TSEN54: variants seen among roughly 807,000 people sequenced by gnomAD.
TSEN54 encodes the protein tRNA splicing endonuclease subunit 54.
TSEN54 carries 55 observed loss-of-function variants against 61.9 expected under a neutral mutation model. That is an observed-to-expected ratio of 0.89 (90% CI 0.72 to 1.11). TSEN54 has a LOEUF of 1.11. Ranked by LOEUF, TSEN54 falls within the 50% of genes most tolerant of loss-of-function variation. The pLI, the probability that TSEN54 is intolerant of heterozygous loss-of-function variation, is 0.00. For missense variants in TSEN54, 760 were observed against 687.7 expected (o/e 1.11, Z -1.18); for synonymous variants, 304 against 288.7 (o/e 1.05, Z -0.54).
At chr17:75,522,512 C>G (rs2053439803) in intron 8 of TSEN54, 179 bp downstream of exon 8, 1 of 1,472,922 alleles carries the variant, frequency 6.8e-7, no homozygotes, top group African/African-American at 1.4e-5. Flanking sequence ...TGTGGGAAGG[C>G]TTAGAGATGG....
chr17:75,517,399 A>C (rs1322781726), intron 4 of TSEN54, 155 bp downstream of exon 4: 1 of 1,136,520 alleles, frequency 8.8e-7, no homozygotes, highest in East Asian at 2.4e-5. Flanking sequence ...CAGGGATTCC[A>C]GTCCACATTA....
chr17:75,516,932 G>C (rs767200511), intron 2 of TSEN54, 22 bp downstream of exon 2: 1 of 1,545,314 alleles, frequency 6.5e-7, no homozygotes, highest in South Asian at 1.2e-5. Flanking sequence ...GGGCCCAGGG[G>C]TAAGGGAAGC....
rs2053430432 is a variant in TSEN54 at position 75,521,868 on chromosome 17, TCCCTGGGCCC to T, written c.789_798del (p.Leu264AlafsTer75). The T allele has an allele frequency of 3.1e-6, 5 of 1,610,338 alleles. No individual in the cohort carries two copies. The highest frequency in any genetic ancestry group is 4.2e-6 in the Non-Finnish European group (5 of 1,179,058). On this transcript the variant is annotated frameshift_variant, in exon 8 of 11. Coordinates refer to ENST00000333213, the MANE Select transcript of TSEN54 (RefSeq NM_207346.3). LOFTEE classifies it high-confidence loss of function. ...AGGGGGCCCCTTTCAGCTTCTGGGG[TCCCTGGGCCC>T]CAGCCCTGGCCCGGCCAGGGAGGGG...
At chr17:75,522,789 G>C (rs2053442363) in intron 8 of TSEN54, 2 of 276,252 alleles carry the variant, frequency 7.2e-6, no homozygotes, top group Non-Finnish European at 6.9e-6. Flanking sequence ...TAGGTAACTA[G>C]ATAGGGTTGC....
rs760089379 is a variant in TSEN54, at chr17:75,522,151, C to G, written c.1070C>G (p.Ala357Gly). The change falls in exon 8 of 11, where the codon GCG becomes GGG. Residue 357 changes from alanine to glycine, a missense_variant. Transcript: ENST00000333213. ...KLSRREREHH[A>G]EAAQFQEDVN... ...TCCAGGCGGGAACGGGAGCACCACG[C>G]GGAGGCCGCGCAGTTCCAGGAAGAT... 6.4e-7 allele frequency: 1 copy of G among 1,557,176 alleles called. No individual in the cohort carries two copies. The highest frequency in any genetic ancestry group is 2.4e-5 in the East Asian group (1 of 41,432).
chr17:75,522,947 G>A (rs1449402496), intron 8 of TSEN54: 2 of 375,386 alleles, frequency 5.3e-6, no homozygotes, highest in South Asian at 2.2e-5. Context: ...TTGGGAGGCC[G>A]AGGCGGGCAG....
chr17:75,524,427 AGAG>A lies in TSEN54; in HGVS notation c.*18_*20del. On this transcript the variant is annotated 3_prime_UTR_variant, in exon 11 of 11. Transcript: ENST00000333213. The stretch of plus-strand genomic sequence containing the variant: ...TGGGGCACTGACCTCACAGCTCTGC[AGAG>A]GATGGAGCTTGCTCCGGGGGACCGG... The A allele has an allele frequency of 6.2e-7, 1 of 1,613,938 alleles. No individual in the cohort carries two copies. The highest frequency in any genetic ancestry group is 2.2e-5 in the East Asian group (1 of 44,878).
Position 75,519,110 on chromosome 17 carries a change from A to G in TSEN54, c.521+63A>G, listed in dbSNP as rs369585076. The stretch of plus-strand genomic sequence containing the variant: ...TCCTGGGACCTGGCTGACTAGTCTA[A>G]GGTAGAAAATGGCCTCTCCTTACCT... On this transcript the variant is annotated intron_variant, in intron 6 of 10. Coordinates refer to ENST00000333213, the MANE Select transcript of TSEN54 (RefSeq NM_207346.3). 18 of 1,594,846 alleles carry G rather than the reference A, an allele frequency of 1.1e-5. No individual in the cohort carries two copies. In the African/African-American group the frequency reaches 2.4e-4, roughly 21 times the overall value.
At position 75,517,729 on chromosome 17, in the gene TSEN54, T is replaced by C. The variant is rs915946676; in HGVS notation, c.468+74T>C. 3 of 1,311,586 alleles carry C rather than the reference T, an allele frequency of 2.3e-6. No individual in the cohort carries two copies. The African/African-American group carries it at 4.4e-5, about 19-fold the overall frequency. 81.2% of individuals were successfully genotyped at this position (1,311,586 alleles called of 1,614,324 possible). A position where few individuals can be genotyped will look rare whatever the true frequency, so the allele number is the denominator to read the frequency against. ...TGAGTATTGACAAGTACCCATAAGG[T>C]GCCAGGCACAGTGTCACATGCTGGG... On this transcript the variant is annotated intron_variant, in intron 5 of 10. Coordinates refer to ENST00000333213, the MANE Select transcript of TSEN54 (RefSeq NM_207346.3).
intron 9 of TSEN54, 150 bp from the exon 10 acceptor site, chr17:75,523,513 A>G: frequency 1.2e-6 from 2 of 1,601,626 alleles, no homozygotes; most frequent in South Asian, 2.2e-5. Context: ...GAGAATAACC[A>G]GTGGGTTAGC....
chr17:75,521,589 C>G lies in TSEN54; in HGVS notation c.623+79C>G, dbSNP rs2053427561. 1.7e-5 allele frequency: 27 copies of G among 1,573,012 alleles called. No individual in the cohort carries two copies. The South Asian group carries it at 2.8e-4, about 16-fold the overall frequency. On this transcript the variant is annotated intron_variant, in intron 7 of 10. Coordinates refer to ENST00000333213, the MANE Select transcript of TSEN54 (RefSeq NM_207346.3). ...GAAAATGCACAGGCTTTCTAAGAAC[C>G]AGCAGCTCCCATGCAGGCTCAGGGA...
chr17:75,521,007 C>T (rs1401667644), intron 6 of TSEN54, among the ~76,000 whole-genome samples: 1 of 151,190 alleles, frequency 6.6e-6, no homozygotes, highest in African/African-American at 2.4e-5. Context: ...AAGAATGCTG[C>T]AGTGACGGGG....
chr17:75,523,838 A>G (rs1408353880), intron 10 of TSEN54, 59 bp downstream of exon 10: 7 of 1,569,466 alleles, frequency 4.5e-6, no homozygotes, highest in African/African-American at 1.4e-5. Flanking sequence ...CTGTGAACCA[A>G]GTGGGACTCC....
Position 75,523,261 on chromosome 17 carries a change from CTG to C in TSEN54, c.1253-10_1253-9del, listed in dbSNP as rs777589961. 2 of 1,614,098 alleles carry C rather than the reference CTG, an allele frequency of 1.2e-6. No individual in the cohort carries two copies. The highest frequency in any genetic ancestry group is 1.3e-5 in the African/African-American group (1 of 75,032). On this transcript the variant is annotated splice_polypyrimidine_tract_variant and intron_variant, in intron 8 of 10. Transcript: ENST00000333213. ...ACTCCCCTCCCCAGTACCTTGTTTTCTGTGTCCTTGTAGCCGTGGTCCTTCAG... is the reference window on the plus strand; with the variant it reads ...ACTCCCCTCCCCAGTACCTTGTTTTCTGTCCTTGTAGCCGTGGTCCTTCAG...
Position 75,524,456 on chromosome 17 carries a change from G to C in TSEN54, c.*44G>C. The C allele has an allele frequency of 1.2e-6, 2 of 1,612,500 alleles. No individual in the cohort carries two copies. Among genetic ancestry groups the C allele is most frequent in the Non-Finnish European group, 1.7e-6 (2 of 1,179,754 alleles). The stretch of plus-strand genomic sequence containing the variant: ...GATGGAGCTTGCTCCGGGGGACCGG[G>C]ACTGTCTGTTCTCAGGGACCATCTC... On this transcript the variant is annotated 3_prime_UTR_variant, in exon 11 of 11. Transcript: ENST00000333213.
At chr17:75,521,209 T>C (rs1434809632) in intron 6 of TSEN54, 200 bp from the exon 7 acceptor site, 13 of 606,590 alleles carry the variant, frequency 2.1e-5, no homozygotes, top group South Asian at 5.6e-5. Context: ...CTCTGGGCCA[T>C]TGCCTAGGCA....
In TSEN54 at chr17:75,521,826, A is replaced by C. The variant is rs761784110; in HGVS notation, c.745A>C (p.Ser249Arg). 2.4e-5 allele frequency: 38 copies of C among 1,612,910 alleles called. No homozygotes were observed. The highest frequency in any genetic ancestry group is 4.5e-5 in the East Asian group (2 of 44,848). Residue 249 changes from serine to arginine, a missense_variant, in exon 8 of 11, where the codon AGC becomes CGC. Physicochemically the swap from Ser to Arg is moderately radical, Grantham distance 110. Coordinates refer to ENST00000333213, the MANE Select transcript of TSEN54 (RefSeq NM_207346.3). ...QCPEEKPQES[S>R]PMKGPGGPFQ... ...CCCAGAGGAGAAACCCCAGGAGTCA[A>C]GCCCCATGAAGGGCCCAGGGGGCCC...
rs746338858 is a variant in TSEN54 at position 75,522,200 on chromosome 17, G to A, written c.1119G>A (p.Gln373=). The change falls in exon 8 of 11, where the codon CAG becomes CAA. Residue 373 remains glutamine (Q), a synonymous_variant. Coordinates refer to ENST00000333213, the MANE Select transcript of TSEN54 (RefSeq NM_207346.3). The part of the protein sequence containing the change: ...QEDVNADPEV[Q]RCSSWREYKE... ...ATGTCAACGCCGATCCCGAGGTGCA[G>A]CGGTGCTCCAGCTGGCGGGAGTACA... 8 of 1,550,812 alleles carry A rather than the reference G, an allele frequency of 5.2e-6. No homozygotes were observed. The South Asian group carries it at 5.9e-5, about 12-fold the overall frequency.
intron 5 of TSEN54, 156 bp from the exon 6 acceptor site, chr17:75,518,839 G>A (rs570049965): frequency 1.9e-5 from 19 of 985,388 alleles, no homozygotes; most frequent in East Asian, 1.1e-4. Flanking sequence ...GATGGTGTTC[G>A]TAATGAAGCA....
Sources: gnomAD v4.1 joint callset for allele counts (sites outside exome capture counted in the v4.1 genomes callset) on GRCh38, gnomAD v4.1.1 for gene constraint, MANE v1.5 for transcripts, NCBI Gene and HGNC (gene_info 2026-07-23, HGNC 2026-07-21) for gene names.